The following QSOX2 variants were observed in gnomAD, a reference collection of about 807,000 sequenced individuals.
The protein encoded by QSOX2 is sulfhydryl oxidase 2.
In QSOX2, 46 loss-of-function variants were observed where a neutral mutation model predicts 61.7. The observed-to-expected ratio is 0.75, with a 90% CI of 0.59 to 0.95. QSOX2 has a LOEUF of 0.95. Ranked by LOEUF, QSOX2 falls within the 40% of genes least tolerant of loss-of-function variation. QSOX2 has a pLI of 0.00. For missense variants in QSOX2, 879 were observed against 918.9 expected (o/e 0.96, Z 0.56); for synonymous variants, 383 against 388.4 (o/e 0.99, Z 0.16).
Position 136,219,135 on chromosome 9 carries a change from G to A in QSOX2, c.851C>T (p.Ser284Phe). The A allele has an allele frequency of 6.2e-7, 1 of 1,614,006 alleles. No homozygotes were observed. The highest frequency in any genetic ancestry group is 8.5e-7 in the Non-Finnish European group (1 of 1,180,000). ...CACATCCGGCAATGACTTCAAATAAGACGAAAAGAAGGCCCGCAGAGGCTT... is the reference window on the plus strand; with the variant it reads ...CACATCCGGCAATGACTTCAAATAAAACGAAAAGAAGGCCCGCAGAGGCTT... ...VVKPLRAFFS[S>F]YLKSLPDVRK... The change falls in exon 7 of 12, where the codon TCT (serine) becomes TTT (phenylalanine). Residue 284 changes from serine to phenylalanine, a missense_variant. By Grantham distance (155) the Ser-to-Phe change is radical. Transcript: ENST00000358701.
Position 136,221,901 on chromosome 9 carries a change from G to T in QSOX2, c.716C>A (p.Thr239Asn). 1 of 1,611,460 alleles carries T rather than the reference G, an allele frequency of 6.2e-7. No individual in the cohort carries two copies. The highest frequency in any genetic ancestry group is 8.5e-7 in the Non-Finnish European group (1 of 1,178,774). ...DLIPYESIVV[T>N]RALDGDKAFL... ...TGCTTTGTCCCCGTCCAGTGCTCGG[G>T]TCACCACGATGCTTTCATACGGGAT... Residue 239 changes from threonine to asparagine, a missense_variant, in exon 6 of 12, where the codon ACC (threonine) becomes AAC (asparagine). Transcript: ENST00000358701. The surrounding 1 kb of genome is among the most constrained non-coding windows in gnomAD (Gnocchi z 4.5).
chr9:136,244,531 T>A (rs1830455442), intron 1 of QSOX2, among the ~76,000 whole-genome samples: 1 of 152,186 alleles, frequency 6.6e-6, no homozygotes, highest in African/African-American at 2.4e-5. Context: ...TTGTTACAGA[T>A]CTTGCCCACT....
At chr9:136,214,845 T>A (rs2131051364) in intron 10 of QSOX2, among the ~76,000 whole-genome samples, 1 of 152,360 alleles carries the variant, frequency 6.6e-6, no homozygotes, top group Middle Eastern at 3.4e-3. Context: ...TTCTGTCTTT[T>A]TAAAGCAAAA....
chr9:136,216,453 G>T, intron 9 of QSOX2, 147 bp downstream of exon 9: 2 of 1,098,838 alleles, frequency 1.8e-6, no homozygotes, highest in Non-Finnish European at 2.6e-6. Context: ...CCATGGCCAT[G>T]ATGCTGTCGT....
At chr9:136,216,769 C>T (rs1406284396) in intron 8 of QSOX2, 47 bp from the exon 9 acceptor site, 8 of 1,605,318 alleles carry the variant, frequency 5.0e-6, no homozygotes, top group Non-Finnish European at 1.7e-6. Flanking sequence ...CAAACCCGGG[C>T]CCGCCCCCAC....
At chr9:136,219,452 G>A (rs1170381929) in intron 6 of QSOX2, among the ~76,000 whole-genome samples, 1 of 152,228 alleles carries the variant, frequency 6.6e-6, no homozygotes, top group Non-Finnish European at 1.5e-5. Context: ...TTGTAAAGCT[G>A]GGTTGAGCAT....
At chr9:136,245,076 G>T (rs1830460134) in intron 1 of QSOX2, among the ~76,000 whole-genome samples, 1 of 152,158 alleles carries the variant, frequency 6.6e-6, no homozygotes, top group Non-Finnish European at 1.5e-5. Context: ...TGGACGCTAG[G>T]AAACAGGTAG....
Position 136,209,410 on chromosome 9 carries a change from C to T in QSOX2, c.1550-135G>A. 6.7e-7 allele frequency: 1 copy of T among 1,496,094 alleles called. No individual in the cohort carries two copies. The highest frequency in any genetic ancestry group is 2.4e-5 in the Admixed American group (1 of 41,912). The allele number at this position is 1,496,094 out of a possible 1,614,324, so 92.7% of individuals were successfully genotyped here. ...CTGGCCCAGGGTCCTGCCAGGCCTCCCTCCCTGCCCTTCCCACCACCCGTC... is the reference window on the plus strand; with the variant it reads ...CTGGCCCAGGGTCCTGCCAGGCCTCTCTCCCTGCCCTTCCCACCACCCGTC... On this transcript the variant is annotated intron_variant, in intron 11 of 11. Transcript: ENST00000358701. This position sits in a 1 kb window ranked among gnomAD's most constrained non-coding sequence, Gnocchi z 5.6.
chr9:136,230,428 C>T (rs1830319820), intron 1 of QSOX2, among the ~76,000 whole-genome samples: 2 of 152,230 alleles, frequency 1.3e-5, no homozygotes, highest in Admixed American at 6.5e-5. Context: ...TGCCAAAGGG[C>T]TGAGCCCAGG....
At position 136,236,358 on chromosome 9, in the gene QSOX2, C is replaced by T. The variant is rs114865553; in HGVS notation, c.328+9118G>A. On this transcript the variant is annotated intron_variant, in intron 1 of 11. Transcript: ENST00000358701. The stretch of plus-strand genomic sequence containing the variant: ...GTGGCAATGGTGATTCTCCTTCAGC[C>T]GGACTAGACGGATATTCACAGGTAT... 5.0e-3 allele frequency among the ~76,000 whole-genome samples: 756 copies of T among 152,338 alleles called. 9 individuals carry two copies. Among genetic ancestry groups the T allele is most frequent in the African/African-American group, 0.017 (727 of 41,552 alleles).
intron 1 of QSOX2, among the ~76,000 whole-genome samples, chr9:136,237,442 C>CGGCG (rs760663604): frequency 3.8e-5 from 5 of 132,842 alleles, no homozygotes; most frequent in Non-Finnish European, 6.4e-5. Flanking sequence ...CGTCCTGTGC[C>CGGCG]ACACCTGGAG....
Position 136,223,177 on chromosome 9 carries a change from G to C in QSOX2, c.675+586C>G, listed in dbSNP as rs182630576. Among the ~76,000 whole-genome samples, 25 of 152,300 alleles carry C rather than the reference G, an allele frequency of 1.6e-4. No homozygotes were observed. Among genetic ancestry groups the C allele is most frequent in the Non-Finnish European group, 2.9e-4 (20 of 68,038 alleles). On this transcript the variant is annotated intron_variant, in intron 5 of 11. Transcript: ENST00000358701. The surrounding 1 kb of genome is among the most constrained non-coding windows in gnomAD (Gnocchi z 4.4). ...CAAGGAGGAGGAGGAGAAGCTCAGG[G>C]TGAGTGCTGGGCGAACGCATGTGCA...
Position 136,223,240 on chromosome 9 carries a change from A to C in QSOX2, c.675+523T>G, listed in dbSNP as rs1421884094. On this transcript the variant is annotated intron_variant, in intron 5 of 11. Transcript: ENST00000358701. The surrounding 1 kb of genome is among the most constrained non-coding windows in gnomAD (Gnocchi z 4.4). ...TCTCGTCTCCGGGAAGACTGTCAGC[A>C]ATAATGACTCTCCGTGAGCTGCCCC... Among the ~76,000 whole-genome samples, 1 of 152,186 alleles carries C rather than the reference A, an allele frequency of 6.6e-6. No individual in the cohort carries two copies. The highest frequency in any genetic ancestry group is 1.5e-5 in the Non-Finnish European group (1 of 68,026).
chr9:136,207,691 T>A lies in QSOX2; in HGVS notation c.*1037A>T, dbSNP rs768586468. The A allele has an allele frequency of 1.3e-5, 2 of 152,152 alleles. No individual in the cohort carries two copies. Among genetic ancestry groups the A allele is most frequent in the African/African-American group, 2.4e-5 (1 of 41,360 alleles). The allele number at this position is 152,152 out of a possible 1,614,324, so 9.4% of individuals were successfully genotyped here. A position where few individuals can be genotyped will look rare whatever the true frequency, so the allele number is the denominator to read the frequency against. ...AGCCTGGCCCCCTCCGTGGGCCGAG[T>A]GAGATGCTTGTGTGTGCAGCAGGTG... On this transcript the variant is annotated 3_prime_UTR_variant, in exon 12 of 12. Coordinates refer to ENST00000358701, the MANE Select transcript of QSOX2 (RefSeq NM_181701.4).
Position 136,209,905 on chromosome 9 carries a change from C to G in QSOX2, c.1550-630G>C, listed in dbSNP as rs1831824891. The G allele has an allele frequency of 2.0e-6, 2 of 985,434 alleles. No homozygotes were observed. Among genetic ancestry groups the G allele is most frequent in the South Asian group, 9.4e-5 (2 of 21,290 alleles). The allele number at this position is 985,434 out of a possible 1,614,324, so 61.0% of individuals were successfully genotyped here. ...GCTCACTTCCAGGCCCAACAGGCATCCGTCATGCAGAAGCTGCGGCGCACG... is the reference window on the plus strand; with the variant it reads ...GCTCACTTCCAGGCCCAACAGGCATGCGTCATGCAGAAGCTGCGGCGCACG... On this transcript the variant is annotated intron_variant, in intron 11 of 11. Transcript: ENST00000358701. This position sits in a 1 kb window ranked among gnomAD's most constrained non-coding sequence, Gnocchi z 5.6.
chr9:136,238,881 G>A (rs1830412673), intron 1 of QSOX2, among the ~76,000 whole-genome samples: 1 of 152,232 alleles, frequency 6.6e-6, no homozygotes, highest in Non-Finnish European at 1.5e-5. Flanking sequence ...AGCCGGGCGT[G>A]GTGGTACCTG....
At chr9:136,211,570 C>T in intron 10 of QSOX2, 118 bp from the exon 11 acceptor site, 1 of 962,962 alleles carries the variant, frequency 1.0e-6, no homozygotes, top group Non-Finnish European at 1.6e-6. Context: ...CACCTCATGT[C>T]TCCCCAGGGG....
At chr9:136,233,512 T>C (rs1355031651) in intron 1 of QSOX2, among the ~76,000 whole-genome samples, 1 of 152,188 alleles carries the variant, frequency 6.6e-6, no homozygotes, top group African/African-American at 2.4e-5. Context: ...CTGGAAGGAC[T>C]GCACCACTGA....
rs747032551 is a variant in QSOX2, at chr9:136,218,700, G to A, written c.1065C>T (p.Asp355=). The A allele has an allele frequency of 5.0e-6, 8 of 1,613,692 alleles. No homozygotes were observed. The highest frequency in any genetic ancestry group is 5.1e-6 in the Non-Finnish European group (6 of 1,179,984). The change falls in exon 8 of 12, where the codon GAC becomes GAT. Residue 355 remains aspartate (D), a synonymous_variant. Transcript: ENST00000358701. ...AAACCTTGGCCAAGACAGTCACAAA[G>A]TCCTTGAGCGTCTTCAGCTCTGCTC... ...LAGAELKTLK[D]FVTVLAKLFP... is the part of the protein sequence containing the mutation.
Sources: allele counts gnomAD v4.1 joint callset (sites outside exome capture counted in the v4.1 genomes callset), GRCh38; gene constraint gnomAD v4.1.1; non-coding constraint Gnocchi (gnomAD v3.1); transcripts MANE v1.5; gene names NCBI Gene and HGNC (gene_info 2026-07-23, HGNC 2026-07-21).